GPR89B: variants seen among roughly 807,000 people sequenced by gnomAD.
GPR89B encodes the protein G protein-coupled receptor 89B.
In GPR89B, 25 loss-of-function variants were observed where a neutral mutation model predicts 52.4. The ratio of observed to expected loss-of-function variants is 0.48; its 90% CI spans 0.35 to 0.67. The LOEUF (loss-of-function observed/expected upper bound fraction) is 0.67. Ranked by LOEUF, GPR89B falls within the 30% of genes least tolerant of loss-of-function variation. GPR89B has a pLI of 0.01. For synonymous variants in GPR89B, 52 were observed against 151.2 expected (o/e 0.34, Z 4.81); for missense variants, 146 against 450.2 (o/e 0.32, Z 6.11).
chr1:148,001,873 C>T, the GPR89B span, among the ~76,000 whole-genome samples: 1,183 of 151,996 alleles, frequency 7.8e-3, 21 homozygotes, highest in East Asian at 0.046. Flanking sequence ...TATGTAAAAG[C>T]TGTCATAAAA....
At chr1:147,963,426 A>T (rs1195949766) in intron 7 of GPR89B, among the ~76,000 whole-genome samples, 1 of 151,730 alleles carries the variant, frequency 6.6e-6, no homozygotes, top group Non-Finnish European at 1.5e-5. Context: ...TAAGCTACCC[A>T]CTGGGAGAAA....
the GPR89B span, among the ~76,000 whole-genome samples, chr1:148,000,612 T>G: frequency 1.3e-5 from 2 of 149,470 alleles, no homozygotes; most frequent in Non-Finnish European, 3.0e-5. Flanking sequence ...ACCCATCATA[T>G]TCCCCCCTCT....
At chr1:147,962,941 A>G (rs1446435735) in intron 7 of GPR89B, among the ~76,000 whole-genome samples, 2,545 of 149,796 alleles carry the variant, frequency 0.017, 67 homozygotes, top group African/African-American at 0.061. Context: ...ATGTAAAACT[A>G]TAAAACTTTC....
the GPR89B span, chr1:148,010,268 T>G: frequency 6.6e-6 from 1 of 152,200 alleles, no homozygotes; most frequent in Non-Finnish European, 1.5e-5. Flanking sequence ...TGTGCAGATC[T>G]CTGTAAGACA....
chr1:147,956,583 G>T (rs1403633501), intron 7 of GPR89B, among the ~76,000 whole-genome samples: 2 of 151,902 alleles, frequency 1.3e-5, no homozygotes, highest in Non-Finnish European at 2.9e-5. Flanking sequence ...AATACTTAGG[G>T]ATAAATTTGA....
the GPR89B span, among the ~76,000 whole-genome samples, chr1:148,007,221 G>A: frequency 8.9e-3 from 1,289 of 144,344 alleles, 20 homozygotes; most frequent in Middle Eastern, 0.042. Context: ...AACTACAGGC[G>A]CCCACCACCA....
chr1:147,999,246 G>T, the GPR89B span, among the ~76,000 whole-genome samples: 1 of 151,646 alleles, frequency 6.6e-6, no homozygotes, highest in African/African-American at 2.4e-5. Context: ...AGCTTCAGTT[G>T]GTTCTTAAGC....
At chr1:148,004,269 G>A in the GPR89B span, among the ~76,000 whole-genome samples, 86 of 150,492 alleles carry the variant, frequency 5.7e-4, no homozygotes, top group African/African-American at 1.9e-3. Flanking sequence ...CCATTCTCCT[G>A]CCTCAGCCTC....
the GPR89B span, chr1:148,009,202 A>G: frequency 1.4e-6 from 1 of 711,144 alleles, no homozygotes; most frequent in East Asian, 2.6e-5. Flanking sequence ...TGAGAGACGG[A>G]GGGAGGCAAG....
chr1:147,981,037 G>T (rs1279694725), intron 10 of GPR89B, among the ~76,000 whole-genome samples: 33 of 151,366 alleles, frequency 2.2e-4, no homozygotes, highest in Admixed American at 4.6e-4. Flanking sequence ...GGTTGGGGGG[G>T]GCTTTTTAAA....
chr1:148,012,884 T>G, the GPR89B span, among the ~76,000 whole-genome samples: 6 of 152,044 alleles, frequency 3.9e-5, no homozygotes, highest in African/African-American at 7.3e-5. Flanking sequence ...TGCCAAGATA[T>G]ATGTGTAAGA....
chr1:147,975,045 T>C (rs1274210959), intron 10 of GPR89B, among the ~76,000 whole-genome samples: 51 of 151,682 alleles, frequency 3.4e-4, no homozygotes, highest in Non-Finnish European at 6.0e-4. Flanking sequence ...TAGATGAGCT[T>C]TTTGATGTGC....
intron 7 of GPR89B, among the ~76,000 whole-genome samples, chr1:147,954,969 T>G (rs1340657266): frequency 6.6e-6 from 1 of 152,028 alleles, no homozygotes; most frequent in Non-Finnish European, 1.5e-5. Context: ...TTTATTACAT[T>G]CATCATGCTG....
At chr1:147,951,602 T>C (rs1275833718) in intron 5 of GPR89B, among the ~76,000 whole-genome samples, 2 of 151,746 alleles carry the variant, frequency 1.3e-5, no homozygotes, top group Non-Finnish European at 2.9e-5. Flanking sequence ...GAAGGAAATA[T>C]TGAATATACA....
chr1:147,949,931 C>T (rs1445653663), intron 5 of GPR89B, among the ~76,000 whole-genome samples: 2 of 134,586 alleles, frequency 1.5e-5, no homozygotes, highest in Non-Finnish European at 3.2e-5. Flanking sequence ...GGGGCTGACC[C>T]CCCCACCTCC....
At chr1:148,004,258 G>A in the GPR89B span, among the ~76,000 whole-genome samples, 4 of 150,766 alleles carry the variant, frequency 2.7e-5, no homozygotes, top group East Asian at 1.9e-4. Flanking sequence ...CCGGGTTCAC[G>A]CCATTCTCCT....
chr1:147,950,482 C>T (rs1655565066), intron 5 of GPR89B, among the ~76,000 whole-genome samples: 1 of 149,100 alleles, frequency 6.7e-6, no homozygotes, highest in Admixed American at 6.6e-5. Flanking sequence ...TCCTCACGTC[C>T]CAGACGATGG....
chr1:147,981,899 G>A lies in GPR89B; in HGVS notation c.910-4300G>A, dbSNP rs1326615926. Reference sequence around the variant, plus strand: ...ACTCCTGACCTCAGGTGATCCACCAGCCTCGGCCTCCCAAAGTGCTGGGAT... The same window carrying A: ...ACTCCTGACCTCAGGTGATCCACCAACCTCGGCCTCCCAAAGTGCTGGGAT... On this transcript the variant is annotated intron_variant, in intron 10 of 13. Transcript: ENST00000314163. 4.6e-5 allele frequency among the ~76,000 whole-genome samples: 7 copies of A among 151,844 alleles called. No individual in the cohort carries two copies. In the East Asian group the frequency reaches 1.4e-3, roughly 29 times the overall value.
chr1:147,947,428 G>C (rs1553250007), intron 5 of GPR89B, among the ~76,000 whole-genome samples: 3 of 151,332 alleles, frequency 2.0e-5, no homozygotes, highest in African/African-American at 7.3e-5. Flanking sequence ...AACCAACCTT[G>C]GAATGTCCTT....
Sources: allele counts gnomAD v4.1 joint callset (sites outside exome capture counted in the v4.1 genomes callset), GRCh38; gene constraint gnomAD v4.1.1; transcripts MANE v1.5; gene names NCBI Gene and HGNC (gene_info 2026-07-23, HGNC 2026-07-21).